The following PCDH11X variants were observed in gnomAD, a reference collection of about 807,000 sequenced individuals.
PCDH11X encodes protocadherin 11 X-linked, also known as protocadherin-11 X-linked.
Under a neutral mutation model 53.3 loss-of-function variants are expected in PCDH11X, and 18 were observed. The observed-to-expected ratio is 0.34, with a 90% CI of 0.23 to 0.50. The LOEUF (loss-of-function observed/expected upper bound fraction) is 0.50, where lower values mean the gene tolerates loss of function less well. PCDH11X is among the 20% of genes least tolerant of loss of function. The pLI is 0.98. For missense variants in PCDH11X, 570 were observed against 1,032.4 expected, an observed-to-expected ratio of 0.55 and a Z score of 6.14; for synonymous variants, 279 against 393.3, an observed-to-expected ratio of 0.71 and a Z score of 3.44.
intron 6 of PCDH11X, among the ~76,000 whole-genome samples, chrX:92,026,223 C>T (rs1602707197): frequency 9.0e-6 from 1 of 110,662 alleles, no homozygotes; most frequent in Admixed American, 9.7e-5. Context: ...AAAAGAAGGA[C>T]AATGTTTTGT....
At chrX:92,333,947 G>T (rs866850300) in intron 8 of PCDH11X, among the ~76,000 whole-genome samples, 2 of 109,660 alleles carry the variant, frequency 1.8e-5, no homozygotes, top group South Asian at 3.9e-4. Flanking sequence ...TGCATTTCAG[G>T]CTCTGACAAT....
intron 8 of PCDH11X, among the ~76,000 whole-genome samples, chrX:92,378,240 C>T (rs962137938): frequency 3.7e-4 from 39 of 106,759 alleles, no homozygotes; most frequent in Admixed American, 9.2e-4. Context: ...CATAGTTTCA[C>T]GGTAAGTTGT....
At chrX:92,257,450 C>A (rs1296681537) in intron 7 of PCDH11X, among the ~76,000 whole-genome samples, 2 of 111,678 alleles carry the variant, frequency 1.8e-5, no homozygotes, top group Non-Finnish European at 3.8e-5. Flanking sequence ...TTAATTCATT[C>A]CAGCATTAAC....
At chrX:92,341,428 AG>A (rs1474911325) in intron 8 of PCDH11X, among the ~76,000 whole-genome samples, 2 of 111,928 alleles carry the variant, frequency 1.8e-5, no homozygotes, top group Non-Finnish European at 3.8e-5. Context: ...ATTTGTATAA[AG>A]AAATACCAGA....
chrX:92,090,073 C>A (rs892273456), intron 6 of PCDH11X, among the ~76,000 whole-genome samples: 1 of 110,484 alleles, frequency 9.1e-6, no homozygotes, highest in African/African-American at 3.3e-5. Flanking sequence ...TGAACTACAT[C>A]GAATACCTAC....
At chrX:91,973,590 T>C (rs1451859977) in intron 6 of PCDH11X, among the ~76,000 whole-genome samples, 2 of 105,405 alleles carry the variant, frequency 1.9e-5, no homozygotes, top group East Asian at 3.0e-4. Context: ...AAAAACCATA[T>C]TGCACACCAT....
intron 6 of PCDH11X, among the ~76,000 whole-genome samples, chrX:92,143,527 G>A (rs970330965): frequency 2.7e-5 from 3 of 112,602 alleles, no homozygotes; most frequent in Admixed American, 1.9e-4. Flanking sequence ...CCCAAGCCTT[G>A]GCAGCTTCCA....
intron 10 of PCDH11X, among the ~76,000 whole-genome samples, chrX:92,537,724 C>A (rs2074689664): frequency 1.1e-5 from 1 of 91,780 alleles, no homozygotes; most frequent in Non-Finnish European, 2.3e-5. Flanking sequence ...CACATACCTA[C>A]AGTGAACTTA....
intron 6 of PCDH11X, among the ~76,000 whole-genome samples, chrX:92,122,753 A>C (rs1434629308): frequency 1.8e-5 from 2 of 110,337 alleles, no homozygotes; most frequent in African/African-American, 6.6e-5. Context: ...CCTGGCCAAC[A>C]TGGTGAAACC....
intron 6 of PCDH11X, among the ~76,000 whole-genome samples, chrX:92,149,455 CTGTG>C (rs1231750856): frequency 3.6e-5 from 3 of 83,161 alleles, no homozygotes; most frequent in Admixed American, 2.8e-4. Flanking sequence ...CTCTCTCTCT[CTGTG>C]TGTGTGTGTG....
At chrX:92,230,592 A>T (rs746415796) in intron 7 of PCDH11X, among the ~76,000 whole-genome samples, 8 of 96,048 alleles carry the variant, frequency 8.3e-5, no homozygotes, top group Non-Finnish European at 1.2e-4. Flanking sequence ...AATATATATA[A>T]AATATATATA....
intron 8 of PCDH11X, among the ~76,000 whole-genome samples, chrX:92,316,158 G>C (rs1361975303): frequency 9.6e-6 from 1 of 104,168 alleles, no homozygotes; most frequent in Non-Finnish European, 2.0e-5. Context: ...GCAGGTCATG[G>C]TGGCTTGCTT....
chrX:91,956,003 T>G lies in PCDH11X; in HGVS notation c.3033+76730T>G, dbSNP rs183745413. Reference sequence around the variant, plus strand: ...TTTTGAATTGAAACTTTTACCATTATGTAATGCCCTTCTTTGTCTTTTTTA... The same window carrying G: ...TTTTGAATTGAAACTTTTACCATTAGGTAATGCCCTTCTTTGTCTTTTTTA... On this transcript the variant is annotated intron_variant, in intron 6 of 10. Coordinates refer to ENST00000682573, the MANE Select transcript of PCDH11X (RefSeq NM_032968.5). Among the ~76,000 whole-genome samples, 578 of 110,398 alleles carry G rather than the reference T, an allele frequency of 5.2e-3. 4 individuals are homozygous for G. The highest frequency in any genetic ancestry group is 0.018 in the African/African-American group (551 of 30,076).
At chrX:92,399,993 C>T (rs1198078970) in intron 9 of PCDH11X, among the ~76,000 whole-genome samples, 1 of 106,943 alleles carries the variant, frequency 9.4e-6, no homozygotes, top group Non-Finnish European at 1.9e-5. Context: ...CCTCGTGATC[C>T]GCCCGCCTCG....
At chrX:92,007,723 C>A (rs1602665183) in intron 6 of PCDH11X, among the ~76,000 whole-genome samples, 1 of 111,698 alleles carries the variant, frequency 9.0e-6, no homozygotes, top group Non-Finnish European at 1.9e-5. Flanking sequence ...GGAGTTTTGC[C>A]CCGGAGCCAC....
At chrX:91,944,322 GAA>G (rs369442347) in intron 6 of PCDH11X, among the ~76,000 whole-genome samples, 5 of 74,836 alleles carry the variant, frequency 6.7e-5, no homozygotes, top group African/African-American at 2.4e-4. Context: ...CTATACTCCA[GAA>G]AAAAAAAAAA....
At position 92,406,893 on chromosome X, in the gene PCDH11X, C is replaced by T. The variant is rs772790763; in HGVS notation, c.3343+18960C>T. Reference sequence around the variant, plus strand: ...AGTAAGCCGAGATCGCGCCACTGCACTCCAGCCCGGGCAACAGAGTGAAAT... The same window carrying T: ...AGTAAGCCGAGATCGCGCCACTGCATTCCAGCCCGGGCAACAGAGTGAAAT... On this transcript the variant is annotated intron_variant, in intron 9 of 10. Coordinates refer to ENST00000682573, the MANE Select transcript of PCDH11X (RefSeq NM_032968.5). 2.9e-5 allele frequency among the ~76,000 whole-genome samples: 3 copies of T among 101,985 alleles called. No individual in the cohort carries two copies. The South Asian group carries it at 1.5e-3, about 50-fold the overall frequency. 88.6% of individuals were successfully genotyped at this position (101,985 alleles called of 115,157 possible). A position where few individuals can be genotyped will look rare whatever the true frequency, so the allele number is the denominator to read the frequency against.
chrX:92,198,850 T>A (rs2066342499), intron 6 of PCDH11X, among the ~76,000 whole-genome samples: 1 of 111,526 alleles, frequency 9.0e-6, no homozygotes, highest in African/African-American at 3.3e-5. Context: ...TTTTCTTACT[T>A]TTTGACAAAA....
rs181695901 is a variant in PCDH11X at position 91,964,244 on chromosome X, A to G, written c.3033+84971A>G. On this transcript the variant is annotated intron_variant, in intron 6 of 10. Coordinates refer to ENST00000682573, the MANE Select transcript of PCDH11X (RefSeq NM_032968.5). ...ATGTCCATACCATCCAAAGCAATCT[A>G]TGGATTCAGTGCAATTCCTATCAAA... 4.6e-5 allele frequency among the ~76,000 whole-genome samples: 5 copies of G among 107,650 alleles called. No individual in the cohort carries two copies. The East Asian group carries it at 8.5e-4, about 18-fold the overall frequency. 93.5% of individuals were successfully genotyped at this position (107,650 alleles called of 115,157 possible).
Sources: gnomAD v4.1 joint callset for allele counts (sites outside exome capture counted in the v4.1 genomes callset) on GRCh38, gnomAD v4.1.1 for gene constraint, MANE v1.5 for transcripts, NCBI Gene and HGNC (gene_info 2026-07-23, HGNC 2026-07-21) for gene names.